The following KCND2 variants were observed in gnomAD, a reference collection of about 807,000 sequenced individuals.
KCND2 encodes potassium voltage-gated channel subfamily D member 2.
KCND2 carries 16 observed loss-of-function variants against 54.4 expected under a neutral mutation model. The observed-to-expected ratio is 0.29, with a 90% CI of 0.20 to 0.45. The LOEUF (loss-of-function observed/expected upper bound fraction) is 0.45. KCND2 is among the 20% of genes least tolerant of loss of function. The pLI is 1.00. For missense variants in KCND2, 486 were observed against 824.2 expected (o/e 0.59, Z 5.02); for synonymous variants, 317 against 310.7 (o/e 1.02, Z -0.21).
intron 1 of KCND2, among the ~76,000 whole-genome samples, chr7:120,370,570 C>A (rs1389047994): frequency 6.6e-6 from 1 of 151,952 alleles, no homozygotes; most frequent in African/African-American, 2.4e-5. Flanking sequence ...TAAATAATGA[C>A]ATCCATATTA....
intron 1 of KCND2, among the ~76,000 whole-genome samples, chr7:120,492,379 C>T (rs1423268111): frequency 6.6e-6 from 1 of 151,978 alleles, no homozygotes; most frequent in East Asian, 1.9e-4. Context: ...GTGTATAGTA[C>T]ATACATGTAT....
rs1584738883 is a variant in KCND2 at position 120,342,946 on chromosome 7, A to AAG, written c.1115+67199_1115+67200insAG. 2.6e-5 allele frequency among the ~76,000 whole-genome samples: 4 copies of AAG among 152,308 alleles called. No individual in the cohort carries two copies. The East Asian group carries it at 7.7e-4, about 29-fold the overall frequency. On this transcript the variant is annotated intron_variant, in intron 1 of 5. Transcript: ENST00000331113. ...GATCACAGAATTATAAGAATATCTT[A>AAG]GAAAGTGGTCTATTGGGGTGGAGAA...
At chr7:120,554,448 G>A (rs1318461710) in intron 1 of KCND2, among the ~76,000 whole-genome samples, 1 of 151,228 alleles carries the variant, frequency 6.6e-6, no homozygotes, top group Admixed American at 6.6e-5. Context: ...TCTCTCTGTA[G>A]CCCAGGCTGG....
At chr7:120,452,017 A>T (rs1316088835) in intron 1 of KCND2, among the ~76,000 whole-genome samples, 1 of 152,256 alleles carries the variant, frequency 6.6e-6, no homozygotes, top group Non-Finnish European at 1.5e-5. Context: ...TTAATGAAAA[A>T]ATATTTTTAA....
chr7:120,340,885 T>C (rs1474796532), intron 1 of KCND2, among the ~76,000 whole-genome samples: 1 of 152,196 alleles, frequency 6.6e-6, no homozygotes, highest in Non-Finnish European at 1.5e-5. Flanking sequence ...AGGATTATGT[T>C]TCAGATTGGA....
intron 1 of KCND2, among the ~76,000 whole-genome samples, chr7:120,461,580 G>C (rs931105830): frequency 1.3e-5 from 2 of 151,860 alleles, no homozygotes; most frequent in South Asian, 4.2e-4. Context: ...AGACATTTAG[G>C]GATGCTGCTA....
intron 1 of KCND2, among the ~76,000 whole-genome samples, chr7:120,574,863 A>G (rs918214506): frequency 6.6e-6 from 1 of 152,086 alleles, no homozygotes; most frequent in Non-Finnish European, 1.5e-5. Context: ...GTTTTCAGCT[A>G]TTTTTACAGC....
intron 1 of KCND2, among the ~76,000 whole-genome samples, chr7:120,378,765 C>A (rs1161719319): frequency 2.0e-5 from 3 of 151,806 alleles, no homozygotes; most frequent in Non-Finnish European, 2.9e-5. Flanking sequence ...AAAAATCTGG[C>A]AAGAATAATT....
At chr7:120,617,787 A>G (rs1793046942) in intron 1 of KCND2, among the ~76,000 whole-genome samples, 1 of 152,224 alleles carries the variant, frequency 6.6e-6, no homozygotes, top group Non-Finnish European at 1.5e-5. Context: ...AATATGGTAC[A>G]TGTACACCAT....
chr7:120,687,033 T>C (rs1432874642), intron 1 of KCND2, among the ~76,000 whole-genome samples: 1 of 152,174 alleles, frequency 6.6e-6, no homozygotes, highest in Non-Finnish European at 1.5e-5. Flanking sequence ...TGTGTTTGTG[T>C]GTGGAGGGGT....
At chr7:120,747,173 G>A (rs2116193970) in intron 5 of KCND2, among the ~76,000 whole-genome samples, 1 of 152,144 alleles carries the variant, frequency 6.6e-6, no homozygotes, top group Non-Finnish European at 1.5e-5. Flanking sequence ...GGAGCTTGAA[G>A]TGTTAGATAG....
At chr7:120,465,564 C>G (rs549919990) in intron 1 of KCND2, among the ~76,000 whole-genome samples, 1 of 151,892 alleles carries the variant, frequency 6.6e-6, no homozygotes, top group Non-Finnish European at 1.5e-5. Context: ...AAGTGGCAAA[C>G]GCAAGAAGAG....
intron 1 of KCND2, among the ~76,000 whole-genome samples, chr7:120,481,326 G>A (rs1314895214): frequency 6.6e-6 from 1 of 152,136 alleles, no homozygotes. Flanking sequence ...CATAAAATGA[G>A]ATGAAGAAGA....
At chr7:120,303,437 T>G (rs1474403278) in intron 1 of KCND2, among the ~76,000 whole-genome samples, 2 of 152,204 alleles carry the variant, frequency 1.3e-5, no homozygotes, top group Admixed American at 1.3e-4. Context: ...GATAAAATCA[T>G]TAAATACCTG....
intron 1 of KCND2, among the ~76,000 whole-genome samples, chr7:120,537,240 A>T (rs2116374152): frequency 6.6e-6 from 1 of 152,340 alleles, no homozygotes; most frequent in South Asian, 2.1e-4. Context: ...CATTGTCAAT[A>T]AGCAGTAATA....
chr7:120,312,505 C>T (rs1799750658), intron 1 of KCND2, among the ~76,000 whole-genome samples: 1 of 152,076 alleles, frequency 6.6e-6, no homozygotes, highest in Non-Finnish European at 1.5e-5. Context: ...TTACTGAGTT[C>T]ATGCAGCTAG....
intron 1 of KCND2, among the ~76,000 whole-genome samples, chr7:120,406,209 T>A (rs561253521): frequency 1.3e-5 from 2 of 152,056 alleles, no homozygotes; most frequent in East Asian, 1.9e-4. Context: ...TTGAAAAAAA[T>A]TTTCCCCATC....
chr7:120,394,419 G>T (rs1054385534), intron 1 of KCND2, among the ~76,000 whole-genome samples: 1 of 151,890 alleles, frequency 6.6e-6, no homozygotes, highest in African/African-American at 2.4e-5. Flanking sequence ...CCACTTTTAG[G>T]TTCTATAATA....
At chr7:120,671,456 G>GGTGGTCT (rs1791992655) in intron 1 of KCND2, among the ~76,000 whole-genome samples, 2 of 152,028 alleles carry the variant, frequency 1.3e-5, no homozygotes, top group Non-Finnish European at 2.9e-5. Context: ...TACGGCCCGG[G>GGTGGTCT]AGGTGGGGAC....
Sources: gnomAD v4.1 joint callset for allele counts (sites outside exome capture counted in the v4.1 genomes callset) on GRCh38, gnomAD v4.1.1 for gene constraint, MANE v1.5 for transcripts, NCBI Gene and HGNC (gene_info 2026-07-23, HGNC 2026-07-21) for gene names.